SAMM50: variants seen among roughly 807,000 people sequenced by gnomAD.
SAMM50 encodes sorting and assembly machinery component 50 homolog.
SAMM50 carries 47 observed loss-of-function variants against 66.9 expected under a neutral mutation model. The observed-to-expected ratio is 0.70, with a 90% CI of 0.56 to 0.90. The LOEUF is 0.90. SAMM50 is among the 40% of genes least tolerant of loss of function. The pLI, the probability that SAMM50 is intolerant of heterozygous loss-of-function variation, is 0.00. For synonymous variants in SAMM50, 191 were observed against 214.1 expected (o/e 0.89, Z 0.94); for missense variants, 535 against 595.3 (o/e 0.90, Z 1.05).
chr22:43,958,327 A>G (rs2050130048), intron 1 of SAMM50, among the ~76,000 whole-genome samples: 1 of 152,180 alleles, frequency 6.6e-6, no homozygotes. Flanking sequence ...TAGGAACTGC[A>G]TCTTCTTGGC....
chr22:43,982,926 G>A (rs570210961), intron 11 of SAMM50, among the ~76,000 whole-genome samples: 7 of 152,182 alleles, frequency 4.6e-5, no homozygotes, highest in Non-Finnish European at 1.0e-4. Flanking sequence ...GCGAGCTACC[G>A]CACGTGGCCT....
chr22:43,971,032 G>A (rs1350928075), intron 4 of SAMM50, among the ~76,000 whole-genome samples: 1 of 152,042 alleles, frequency 6.6e-6, no homozygotes, highest in Non-Finnish European at 1.5e-5. Flanking sequence ...GCAGAGTGTG[G>A]CGGCGGGTGC....
At chr22:43,959,059 C>G (rs933541316) in intron 1 of SAMM50, among the ~76,000 whole-genome samples, 1 of 145,782 alleles carries the variant, frequency 6.9e-6, no homozygotes, top group African/African-American at 2.6e-5. Context: ...TGCTCTGTCT[C>G]CCAGGCTGGA....
chr22:43,956,155 A>G (rs768816438), intron 1 of SAMM50, among the ~76,000 whole-genome samples: 14 of 152,226 alleles, frequency 9.2e-5, no homozygotes, highest in Non-Finnish European at 1.9e-4. Context: ...AAGACAATGC[A>G]TGTGAATACT....
In SAMM50 at chr22:43,984,015, C is replaced by T; in HGVS notation, c.1075+15C>T. ...ACAGAGCGAAGGTCTGTCCTTTCCC[C>T]TCACGGCGCCAAGTCTAGAAGGCTC... On this transcript the variant is annotated intron_variant, in intron 12 of 14. Coordinates refer to ENST00000350028, the MANE Select transcript of SAMM50 (RefSeq NM_015380.5). The T allele has an allele frequency of 1.9e-6, 3 of 1,605,422 alleles. No individual in the cohort carries two copies. The highest frequency in any genetic ancestry group is 2.6e-6 in the Non-Finnish European group (3 of 1,176,260).
chr22:43,989,262 A>C lies in SAMM50; in HGVS notation c.1222+5A>C. On this transcript the variant is annotated splice_donor_5th_base_variant and intron_variant, in intron 13 of 14. Transcript: ENST00000350028. ...ACCTCTGCAACCTCAACTATGGTAAAACTTGCGCTATTCAAGAAACCATTG... is the reference window on the plus strand; with the variant it reads ...ACCTCTGCAACCTCAACTATGGTAACACTTGCGCTATTCAAGAAACCATTG... The C allele has an allele frequency of 6.2e-7, 1 of 1,614,054 alleles. No individual in the cohort carries two copies. Among genetic ancestry groups the C allele is most frequent in the African/African-American group, 1.3e-5 (1 of 75,022 alleles).
Position 43,972,229 on chromosome 22 carries a change from T to C in SAMM50, c.323-7T>C. Reference sequence around the variant, plus strand: ...GCTGTCTTATTGTTTAATATTTTTTTATTTAGGTGATGACGCACTTCCAAA... The same window carrying C: ...GCTGTCTTATTGTTTAATATTTTTTCATTTAGGTGATGACGCACTTCCAAA... On this transcript the variant is annotated splice_region_variant and splice_polypyrimidine_tract_variant and intron_variant, in intron 4 of 14. Transcript: ENST00000350028. The C allele has an allele frequency of 6.5e-7, 1 of 1,532,828 alleles. No individual in the cohort carries two copies. The highest frequency in any genetic ancestry group is 2.2e-5 in the Admixed American group (1 of 46,096). 95.0% of individuals were successfully genotyped at this position (1,532,828 alleles called of 1,614,324 possible).
chr22:43,956,308 G>C (rs944157953), intron 1 of SAMM50, among the ~76,000 whole-genome samples: 5 of 152,172 alleles, frequency 3.3e-5, no homozygotes, highest in African/African-American at 1.2e-4. Flanking sequence ...CAGATTTCCT[G>C]AGTCTCAGCC....
intron 3 of SAMM50, among the ~76,000 whole-genome samples, chr22:43,967,116 C>T (rs1253426390): frequency 6.6e-6 from 1 of 152,174 alleles, no homozygotes; most frequent in East Asian, 1.9e-4. Flanking sequence ...CTGTGAGCAT[C>T]CTTAAGTGTT....
intron 12 of SAMM50, chr22:43,988,430 A>G (rs1016733927): frequency 2.6e-5 from 4 of 152,232 alleles, no homozygotes; most frequent in Admixed American, 2.0e-4. Flanking sequence ...ACAAAGTATA[A>G]ACCTTTGGGT....
intron 14 of SAMM50, among the ~76,000 whole-genome samples, chr22:43,993,485 C>T (rs1306579734): frequency 6.6e-6 from 1 of 152,238 alleles, no homozygotes; most frequent in African/African-American, 2.4e-5. Context: ...CTAAAAAACA[C>T]GTTTCAGAGA....
chr22:43,972,929 T>G lies in SAMM50; in HGVS notation c.488T>G (p.Phe163Cys). 1 of 1,604,890 alleles carries G rather than the reference T, an allele frequency of 6.2e-7. No individual in the cohort carries two copies. The highest frequency in any genetic ancestry group is 8.5e-7 in the Non-Finnish European group (1 of 1,178,078). ...LGRAEKVTFQ[F>C]SYGTKETSYG... is the part of the protein sequence containing the mutation. ...CGTGCAGAAAAGGTGACCTTTCAGTTTTCCTATGGAACAAAAGAAACTTCG... is the reference window on the plus strand; with the variant it reads ...CGTGCAGAAAAGGTGACCTTTCAGTGTTCCTATGGAACAAAAGAAACTTCG... The change falls in exon 6 of 15, where the codon TTT becomes TGT. Residue 163 changes from phenylalanine to cysteine, a missense_variant. By Grantham distance (205) the Phe-to-Cys change is radical. Coordinates refer to ENST00000350028, the MANE Select transcript of SAMM50 (RefSeq NM_015380.5).
At chr22:43,986,714 G>C (rs1164925940) in intron 12 of SAMM50, 1 of 152,000 alleles carries the variant, frequency 6.6e-6, no homozygotes, top group Non-Finnish European at 1.5e-5. Context: ...ATCACGCCCA[G>C]CTAATTTTTG....
At chr22:43,984,177 A>G (rs747185877) in intron 12 of SAMM50, among the ~76,000 whole-genome samples, 177 bp downstream of exon 12, 10 of 152,208 alleles carry the variant, frequency 6.6e-5, no homozygotes, top group Non-Finnish European at 1.5e-5. Context: ...AGAGAATTGT[A>G]GGAAAATGAG....
chr22:43,968,860 C>T (rs767369920), intron 4 of SAMM50, 42 bp downstream of exon 4: 3 of 1,430,364 alleles, frequency 2.1e-6, no homozygotes, highest in Non-Finnish European at 3.0e-6. Context: ...CCCTTTCTGT[C>T]CATCAGAGAA....
intron 13 of SAMM50, among the ~76,000 whole-genome samples, chr22:43,989,697 A>C (rs1306282951): frequency 6.6e-6 from 1 of 152,224 alleles, no homozygotes; most frequent in African/African-American, 2.4e-5. Context: ...TACTTGAAAA[A>C]AATTCTTACA....
chr22:43,992,470 C>T (rs750508240), intron 14 of SAMM50, among the ~76,000 whole-genome samples: 22 of 152,224 alleles, frequency 1.4e-4, no homozygotes, highest in Non-Finnish European at 2.9e-4. Context: ...AGCTCCCATT[C>T]CCCTCCACGC....
chr22:43,986,043 CTT>C (rs550939157), intron 12 of SAMM50, among the ~76,000 whole-genome samples: 3 of 134,158 alleles, frequency 2.2e-5, no homozygotes, highest in African/African-American at 2.8e-5. Flanking sequence ...TTCTTTCTTT[CTT>C]TTTTTTTTTT....
At chr22:43,995,939 G>T (rs1385886313) in intron 14 of SAMM50, among the ~76,000 whole-genome samples, 2 of 152,082 alleles carry the variant, frequency 1.3e-5, no homozygotes, top group African/African-American at 4.8e-5. Flanking sequence ...GGGCCGGGCG[G>T]ACCTTAAGTT....
Sources: allele counts gnomAD v4.1 joint callset (sites outside exome capture counted in the v4.1 genomes callset), GRCh38; gene constraint gnomAD v4.1.1; transcripts MANE v1.5; gene names NCBI Gene and HGNC (gene_info 2026-07-23, HGNC 2026-07-21).